Variants in UBE2D2 observed in about 807,000 individuals in gnomAD.
The protein encoded by UBE2D2 is ubiquitin conjugating enzyme E2 D2, also known as ubiquitin-conjugating enzyme E2 D2.
In UBE2D2, 2 loss-of-function variants were observed where a neutral mutation model predicts 24.2. That is an observed-to-expected ratio of 0.08 (90% CI 0.03 to 0.26). UBE2D2 has a LOEUF of 0.26. UBE2D2 is among the 10% of genes least tolerant of loss of function. The pLI, the probability that UBE2D2 is intolerant of heterozygous loss-of-function variation, is 1.00. For synonymous variants in UBE2D2, 58 were observed against 56.5 expected (o/e 1.03, Z -0.12); for missense variants, 44 against 177.6 (o/e 0.25, Z 4.28).
chr5:139,547,876 G>C (rs1266476086), intron 1 of UBE2D2, among the ~76,000 whole-genome samples: 2 of 151,782 alleles, frequency 1.3e-5, no homozygotes, highest in East Asian at 3.9e-4. Flanking sequence ...TGTATTTTTA[G>C]TAAAGACAGT....
intron 1 of UBE2D2, among the ~76,000 whole-genome samples, chr5:139,570,945 T>C (rs1753340749): frequency 1.3e-5 from 2 of 152,148 alleles, no homozygotes; most frequent in South Asian, 4.1e-4. Context: ...GAATGGCTAC[T>C]CCCTAGGCAG....
intron 2 of UBE2D2, among the ~76,000 whole-genome samples, chr5:139,608,155 G>A (rs550778878): frequency 1.1e-4 from 16 of 151,832 alleles, no homozygotes; most frequent in African/African-American, 3.9e-4. Context: ...ATTCTGGCCC[G>A]GCGTGGTAGC....
At chr5:139,546,675 G>A (rs964610940) in intron 1 of UBE2D2, among the ~76,000 whole-genome samples, 8 of 149,010 alleles carry the variant, frequency 5.4e-5, no homozygotes, top group African/African-American at 2.0e-4. Context: ...AAGTAGAGAT[G>A]GAGTTTCACC....
intron 2 of UBE2D2, among the ~76,000 whole-genome samples, chr5:139,610,414 G>T (rs1278318022): frequency 1.3e-5 from 2 of 151,974 alleles, no homozygotes; most frequent in Non-Finnish European, 2.9e-5. Context: ...GGTGGTGTGT[G>T]CCTGTAATCC....
chr5:139,599,135 C>G (rs1754017624), intron 1 of UBE2D2, among the ~76,000 whole-genome samples: 1 of 151,424 alleles, frequency 6.6e-6, no homozygotes, highest in Admixed American at 6.6e-5. Context: ...TTACCATGTT[C>G]ACCAGGCTAG....
chr5:139,578,643 G>A (rs923752293), intron 1 of UBE2D2, among the ~76,000 whole-genome samples: 2 of 152,090 alleles, frequency 1.3e-5, no homozygotes, highest in South Asian at 2.1e-4. Flanking sequence ...TGTAGAGATA[G>A]GGTCTTGCTG....
intron 1 of UBE2D2, among the ~76,000 whole-genome samples, chr5:139,591,542 A>G (rs1223290664): frequency 6.6e-6 from 1 of 152,164 alleles, no homozygotes; most frequent in African/African-American, 2.4e-5. Context: ...TGATATTGAT[A>G]CATGTTTCCA....
intron 1 of UBE2D2, among the ~76,000 whole-genome samples, chr5:139,537,673 G>T (rs890002939): frequency 1.3e-5 from 2 of 151,154 alleles, no homozygotes; most frequent in Non-Finnish European, 3.0e-5. Flanking sequence ...TTTATTAAGA[G>T]AAATTTTCTG....
At chr5:139,572,070 C>G (rs1302045261) in intron 1 of UBE2D2, among the ~76,000 whole-genome samples, 2 of 152,162 alleles carry the variant, frequency 1.3e-5, no homozygotes, top group Non-Finnish European at 2.9e-5. Flanking sequence ...TGTTCTGGAA[C>G]TATTTAGTAA....
At chr5:139,548,036 C>G (rs1028563991) in intron 1 of UBE2D2, among the ~76,000 whole-genome samples, 1 of 151,400 alleles carries the variant, frequency 6.6e-6, no homozygotes, top group Non-Finnish European at 1.5e-5. Context: ...TGGTGGCTCA[C>G]GCCTGTAATC....
At chr5:139,614,539 C>G (rs1483571873) in intron 2 of UBE2D2, 47 bp from the exon 3 acceptor site, 1 of 1,605,084 alleles carries the variant, frequency 6.2e-7, no homozygotes, top group African/African-American at 1.3e-5. Context: ...GGCGTAGATA[C>G]AATGTAGATA....
intron 1 of UBE2D2, among the ~76,000 whole-genome samples, chr5:139,534,461 G>A (rs1201587016): frequency 6.6e-6 from 1 of 151,946 alleles, no homozygotes; most frequent in African/African-American, 2.4e-5. Context: ...AGCTACTCAG[G>A]AGGCTGAGGC....
At chr5:139,566,878 G>C (rs1333478774) in intron 1 of UBE2D2, among the ~76,000 whole-genome samples, 1 of 150,028 alleles carries the variant, frequency 6.7e-6, no homozygotes. Flanking sequence ...AAAAAAAAAA[G>C]AGAAGCCACA....
At chr5:139,622,347 C>T (rs911778332) in intron 5 of UBE2D2, among the ~76,000 whole-genome samples, 6 of 151,202 alleles carry the variant, frequency 4.0e-5, no homozygotes, top group Non-Finnish European at 8.8e-5. Context: ...CAGGTTCAAG[C>T]GATTCTCCAG....
chr5:139,606,564 A>G (rs1311116944), intron 2 of UBE2D2, among the ~76,000 whole-genome samples: 1 of 152,180 alleles, frequency 6.6e-6, no homozygotes, highest in Middle Eastern at 3.2e-3. Context: ...TGTAACTTTC[A>G]GTTTGTGTAA....
At chr5:139,570,467 A>G (rs1284675719) in intron 1 of UBE2D2, among the ~76,000 whole-genome samples, 1 of 151,964 alleles carries the variant, frequency 6.6e-6, no homozygotes, top group Non-Finnish European at 1.5e-5. Context: ...CAGCCTCCCA[A>G]GTTGCTGGGA....
chr5:139,589,070 C>G (rs1202405940), intron 1 of UBE2D2, among the ~76,000 whole-genome samples: 1 of 152,184 alleles, frequency 6.6e-6, no homozygotes, highest in Non-Finnish European at 1.5e-5. Context: ...ACATTACAGG[C>G]ATGAGCCACC....
At chr5:139,551,474 A>G (rs907790172) in intron 1 of UBE2D2, among the ~76,000 whole-genome samples, 10 of 152,218 alleles carry the variant, frequency 6.6e-5, no homozygotes, top group African/African-American at 2.4e-4. Context: ...CTGAGTGTAG[A>G]CTGTAGTTCT....
At chr5:139,559,359 G>A (rs1753022668), upstream of UBE2D2, among the ~76,000 whole-genome samples, 1 of 151,472 alleles carries the variant, frequency 6.6e-6, no homozygotes, top group South Asian at 2.1e-4. Flanking sequence ...CCCGGGAGAA[G>A]AGCTTGCAGT....
Sources: gnomAD v4.1 joint callset for allele counts (sites outside exome capture counted in the v4.1 genomes callset) on GRCh38, gnomAD v4.1.1 for gene constraint, MANE v1.5 for transcripts, NCBI Gene and HGNC (gene_info 2026-07-23, HGNC 2026-07-21) for gene names.